KTN1: variants seen among roughly 807,000 people sequenced by gnomAD.
KTN1 encodes the protein kinectin 1.
Under a neutral mutation model 222.5 loss-of-function variants are expected in KTN1, and 130 were observed. That is an observed-to-expected ratio of 0.58 (90% CI 0.51 to 0.68). The LOEUF is 0.68. Ranked by LOEUF, KTN1 falls within the 30% of genes least tolerant of loss-of-function variation. KTN1 has a pLI of 0.00. For synonymous variants in KTN1, 512 were observed against 496.3 expected, an observed-to-expected ratio of 1.03 and a Z score of -0.42; for missense variants, 1,508 against 1,500.4, an observed-to-expected ratio of 1.01 and a Z score of -0.08.
intron 43 of KTN1, chr14:55,680,914 A>T (rs1370891319): frequency 1.1e-5 from 4 of 366,292 alleles, no homozygotes; most frequent in Non-Finnish European, 2.1e-5. Flanking sequence ...TTAGGAAATA[A>T]CCTTGCTTCC....
At chr14:55,624,686 A>G (rs1175048538) in intron 5 of KTN1, among the ~76,000 whole-genome samples, 2 of 152,184 alleles carry the variant, frequency 1.3e-5, no homozygotes, top group Admixed American at 6.5e-5. Context: ...CCCAGGAAAC[A>G]CCAACAATGA....
intron 31 of KTN1, 51 bp from the exon 32 acceptor site, chr14:55,661,471 G>T (rs1356698653): frequency 2.2e-6 from 2 of 920,784 alleles, no homozygotes; most frequent in Non-Finnish European, 3.6e-6. Flanking sequence ...GATCTAAGTT[G>T]TATTACTGTT....
In KTN1 at chr14:55,591,581, CTTT is replaced by C. The variant is rs71131297; in HGVS notation, c.-31+11249_-31+11251del. Among the ~76,000 whole-genome samples, 56 of 87,708 alleles carry C rather than the reference CTTT, an allele frequency of 6.4e-4. No homozygotes were observed. In the East Asian group the frequency reaches 0.021, roughly 33 times the overall value. 57.5% of individuals were successfully genotyped at this position (87,708 alleles called of 152,430 possible). ...CTTGCATTTCTTTCTTTCTCTCTTT[CTTT>C]TTTTTTTTTTTTTTTTTTTTTGAGA... On this transcript the variant is annotated intron_variant, in intron 1 of 43. Transcript: ENST00000395314.
intron 1 of KTN1, among the ~76,000 whole-genome samples, chr14:55,580,929 T>C (rs1417076880): frequency 6.6e-6 from 1 of 152,098 alleles, no homozygotes; most frequent in Non-Finnish European, 1.5e-5. Context: ...CCGCTGCCCT[T>C]TGCGAGTCCC....
rs1214591894 is a variant in KTN1, at chr14:55,684,345, C to T, written c.*242C>T. ...TTTGAATAATTAGACCTTTACATTC[C>T]TGAAGATAAACATGTAATCTTTTAT... On this transcript the variant is annotated 3_prime_UTR_variant, in exon 44 of 44. Coordinates refer to ENST00000395314, the MANE Select transcript of KTN1 (RefSeq NM_001079521.2). 2.7e-6 allele frequency: 1 copy of T among 372,516 alleles called. No individual in the cohort carries two copies. Among genetic ancestry groups the T allele is most frequent in the East Asian group, 3.9e-5 (1 of 25,660 alleles). The allele number at this position is 372,516 out of a possible 1,614,324, so 23.1% of individuals were successfully genotyped here.
At chr14:55,660,177 T>A (rs2141212366) in intron 31 of KTN1, among the ~76,000 whole-genome samples, 1 of 152,194 alleles carries the variant, frequency 6.6e-6, no homozygotes, top group East Asian at 1.9e-4. Context: ...CTCAGGGGTT[T>A]GAGATCAGCC....
chr14:55,605,860 C>A lies in KTN1; in HGVS notation c.-30-6159C>A, dbSNP rs185892560. 1.2e-3 allele frequency among the ~76,000 whole-genome samples: 176 copies of A among 152,122 alleles called. 2 individuals are homozygous for A. The highest frequency in any genetic ancestry group is 4.0e-3 in the African/African-American group (168 of 41,496). On this transcript the variant is annotated intron_variant, in intron 1 of 43. Transcript: ENST00000395314. Reference sequence around the variant, plus strand: ...TCTAAACCTTTTGCAGAATGGAAATCTAATTAAATGATACTTGGCTACCAA... The same window carrying A: ...TCTAAACCTTTTGCAGAATGGAAATATAATTAAATGATACTTGGCTACCAA...
At position 55,646,983 on chromosome 14, in the gene KTN1, A is replaced by G. The variant is rs1333088176; in HGVS notation, c.2183A>G (p.Asp728Gly). Residue 728 changes from aspartate to glycine, a missense_variant, in exon 19 of 44, where the codon GAT (aspartate) becomes GGT (glycine). Transcript: ENST00000395314. ...QTLVSEQPNK[D>G]VVEQMEKCIQ... Reference sequence around the variant, plus strand: ...TGATTTTTATTTTAGCCTAATAAGGATGTTGTGGAACAAATGGAAAAATGG... The same window carrying G: ...TGATTTTTATTTTAGCCTAATAAGGGTGTTGTGGAACAAATGGAAAAATGG... 7.8e-6 allele frequency: 12 copies of G among 1,535,204 alleles called. No homozygotes were observed. The highest frequency in any genetic ancestry group is 1.1e-5 in the Non-Finnish European group (12 of 1,111,222).
chr14:55,672,035 C>T (rs542292699), intron 37 of KTN1, 158 bp downstream of exon 37: 4 of 597,228 alleles, frequency 6.7e-6, no homozygotes, highest in East Asian at 2.8e-5. Flanking sequence ...ATGAGCCCTC[C>T]AGAATAGTCT....
intron 7 of KTN1, 131 bp from the exon 8 acceptor site, chr14:55,633,104 T>C: frequency 2.1e-6 from 1 of 471,354 alleles, no homozygotes; most frequent in Admixed American, 4.2e-5. Flanking sequence ...TTGTTTATAT[T>C]TATTTGAGAA....
intron 10 of KTN1, 55 bp downstream of exon 10, chr14:55,636,591 C>G (rs374790038): frequency 3.1e-6 from 4 of 1,286,698 alleles, no homozygotes; most frequent in East Asian, 4.9e-5. Context: ...GTAAAATTTC[C>G]TCTCTCTTCC....
At chr14:55,623,590 C>G (rs2039431441) in intron 5 of KTN1, among the ~76,000 whole-genome samples, 1 of 152,190 alleles carries the variant, frequency 6.6e-6, no homozygotes, top group South Asian at 2.1e-4. Flanking sequence ...ATGCTGGTTT[C>G]AAGGTCCTGA....
intron 1 of KTN1, among the ~76,000 whole-genome samples, chr14:55,581,402 TAGTA>T (rs954088766): frequency 1.3e-5 from 2 of 152,196 alleles, no homozygotes; most frequent in African/African-American, 4.8e-5. Flanking sequence ...CTATTTAAGT[TAGTA>T]GTGCTTAAAG....
rs967251666 is a variant in KTN1 at position 55,611,589 on chromosome 14, A to G, written c.-30-430A>G. 8.5e-5 allele frequency among the ~76,000 whole-genome samples: 13 copies of G among 152,194 alleles called. No individual in the cohort carries two copies. In the South Asian group the frequency reaches 2.7e-3, roughly 32 times the overall value. On this transcript the variant is annotated intron_variant, in intron 1 of 43. Coordinates refer to ENST00000395314, the MANE Select transcript of KTN1 (RefSeq NM_001079521.2). ...TTTTTGCGTGTGTGTGCATTTCAGAATATGACACTTTTAATGAATGTCCAT... is the reference window on the plus strand; with the variant it reads ...TTTTTGCGTGTGTGTGCATTTCAGAGTATGACACTTTTAATGAATGTCCAT...
intron 12 of KTN1, among the ~76,000 whole-genome samples, chr14:55,638,239 G>A (rs142291531): frequency 2.0e-5 from 3 of 151,984 alleles, no homozygotes; most frequent in Non-Finnish European, 4.4e-5. Context: ...GGTAACCATA[G>A]ATCACAGATT....
chr14:55,608,624 CT>C (rs575646665), intron 1 of KTN1, among the ~76,000 whole-genome samples: 11,139 of 138,828 alleles, frequency 0.08, 333 homozygotes, highest in South Asian at 0.11. Context: ...TTGCTGTGAA[CT>C]TTTTTTTTTT....
rs140264351 is a variant in KTN1 at position 55,631,160 on chromosome 14, T to C, written c.1221+1063T>C. Among the ~76,000 whole-genome samples the C allele has an allele frequency of 1.2e-4, 19 of 152,074 alleles. No homozygotes were observed. The East Asian group carries it at 3.3e-3, about 26-fold the overall frequency. On this transcript the variant is annotated intron_variant, in intron 7 of 43. Coordinates refer to ENST00000395314, the MANE Select transcript of KTN1 (RefSeq NM_001079521.2). ...ATCTTTATTACTGCTAAAGAGGTTA[T>C]TGAAGAATATGGCTTGAGTCTGCTT...
At chr14:55,656,604 T>C (rs527550041) in intron 29 of KTN1, among the ~76,000 whole-genome samples, 1 of 152,272 alleles carries the variant, frequency 6.6e-6, no homozygotes, top group Admixed American at 6.5e-5. Flanking sequence ...TAGCTGGGAC[T>C]ACAGGCATGC....
At chr14:55,614,207 C>T (rs947154590) in intron 2 of KTN1, among the ~76,000 whole-genome samples, 7 of 152,124 alleles carry the variant, frequency 4.6e-5, no homozygotes, top group Admixed American at 2.0e-4. Flanking sequence ...TGAAGATTTT[C>T]AAGCAGTTTA....
Sources: gnomAD v4.1 joint callset for allele counts (sites outside exome capture counted in the v4.1 genomes callset) on GRCh38, gnomAD v4.1.1 for gene constraint, MANE v1.5 for transcripts, NCBI Gene and HGNC (gene_info 2026-07-23, HGNC 2026-07-21) for gene names.